The following MEST variants were observed in gnomAD, a reference collection of about 807,000 sequenced individuals.
The protein encoded by MEST is mesoderm specific transcript.
In MEST, 18 loss-of-function variants were observed where a neutral mutation model predicts 50.9. That is an observed-to-expected ratio of 0.35 (90% confidence interval 0.24 to 0.52). The LOEUF is 0.52. Among genes scored for constraint, MEST ranks in the 20% least tolerant of loss-of-function variants. The pLI is 0.94. For synonymous variants in MEST, 130 were observed against 154.1 expected, an observed-to-expected ratio of 0.84 and a Z score of 1.16; for missense variants, 282 against 425.3, an observed-to-expected ratio of 0.66 and a Z score of 2.96.
At chr7:130,486,414 A>G (rs550708380) in intron 1 of MEST, 2 of 152,414 alleles carry the variant, frequency 1.3e-5, no homozygotes, top group African/African-American at 4.8e-5. Context: ...CGGGCGGGGA[A>G]GGAGTGGAGC....
Position 130,497,955 on chromosome 7 carries a change from T to C in MEST, c.281T>C (p.Leu94Ser), listed in dbSNP as rs528300868. 2.5e-6 allele frequency: 4 copies of C among 1,613,816 alleles called. No individual in the cohort carries two copies. The African/African-American group carries it at 5.3e-5, about 22-fold the overall frequency. Residue 94 changes from leucine (L) to serine (S), a missense_variant, in exon 4 of 12, where the codon TTG becomes TCG. Physicochemically the swap from Leu to Ser is moderately radical, Grantham distance 145 (BLOSUM62 -2). Transcript: ENST00000223215. The surrounding 1 kb of genome is among the most constrained non-coding windows in gnomAD (Gnocchi z 4.0). ...TTGTAGATTTGGGAAGGTCTGACCT[T>C]GAGGTTTCATCGGGTGATTGCCCTT... ...DWYKIWEGLT[L>S]RFHRVIALDF...
At chr7:130,496,458 A>C in intron 2 of MEST, 1 of 314,014 alleles carries the variant, frequency 3.2e-6, no homozygotes, top group South Asian at 2.6e-5. Context: ...CCAAATTTTC[A>C]TGTCACTGGC....
At position 130,497,493 on chromosome 7, in the gene MEST, G is replaced by T. The variant is rs1799107692; in HGVS notation, c.261+258G>T. On this transcript the variant is annotated intron_variant, in intron 3 of 11. Transcript: ENST00000223215. This position sits in a 1 kb window ranked among gnomAD's most constrained non-coding sequence, Gnocchi z 4.0. Reference sequence around the variant, plus strand: ...AATCGCTTGAACCCGGGAGGCAGAGGTTGCAGTGAGCTGAGATTGCACCAC... The same window carrying T: ...AATCGCTTGAACCCGGGAGGCAGAGTTTGCAGTGAGCTGAGATTGCACCAC... 3.5e-6 allele frequency: 1 copy of T among 283,898 alleles called. No homozygotes were observed. Among genetic ancestry groups the T allele is most frequent in the Admixed American group, 4.9e-5 (1 of 20,296 alleles). The allele number at this position is 283,898 out of a possible 1,614,324, so 17.6% of individuals were successfully genotyped here.
chr7:130,495,500 G>A lies in MEST; in HGVS notation c.159G>A (p.Lys53=), dbSNP rs1554436570. The A allele has an allele frequency of 2.5e-6, 4 of 1,613,938 alleles. No individual in the cohort carries two copies. Among genetic ancestry groups the A allele is most frequent in the African/African-American group, 2.7e-5 (2 of 74,936 alleles). ...WKSSGKFFTY[K]GLRIFYQDSV... ...CTTCAGGCAAGTTTTTCACTTACAA[G>A]GGACTGCGTATCTTCTACCAAGGTA... The change falls in exon 2 of 12, where the codon AAG becomes AAA. Residue 53 remains lysine (K), a synonymous_variant. Coordinates refer to ENST00000223215, the MANE Select transcript of MEST (RefSeq NM_002402.4).
chr7:130,499,494 A>G (rs1206479795), intron 6 of MEST, among the ~76,000 whole-genome samples: 2 of 152,224 alleles, frequency 1.3e-5, no homozygotes, highest in Admixed American at 6.5e-5. Flanking sequence ...GGATGACCAT[A>G]TATTTTCTCC....
chr7:130,495,750 T>C, intron 2 of MEST: 1 of 419,352 alleles, frequency 2.4e-6, no homozygotes, highest in Non-Finnish European at 4.1e-6. Flanking sequence ...TAAGTTTTCT[T>C]TGTAGCTTGA....
intron 2 of MEST, 176 bp downstream of exon 2, chr7:130,495,698 G>A (rs1330297016): frequency 2.7e-5 from 16 of 603,316 alleles, no homozygotes; most frequent in Non-Finnish European, 3.7e-5. Flanking sequence ...GAGAATGGGG[G>A]TAGGGACTGA....
upstream of MEST, chr7:130,487,195 G>A (rs1259558412): frequency 6.6e-6 from 1 of 152,154 alleles, no homozygotes; most frequent in Admixed American, 6.5e-5. Context: ...CTGTCTGAAA[G>A]AAAGTAGCTG....
rs1251462271 is a variant in MEST at position 130,502,686 on chromosome 7, C to T, written c.792C>T (p.Arg264=). 2 of 1,613,916 alleles carry T rather than the reference C, an allele frequency of 1.2e-6. No homozygotes were observed. Among genetic ancestry groups the T allele is most frequent in the Non-Finnish European group, 8.5e-7 (1 of 1,179,870 alleles). ...YINQRKKFRR[R]WVGALASVTI... is the part of the protein sequence containing the mutation. ...ATCAGAGGAAGAAGTTCAGAAGGCGCTGGGTGGGAGCTCTTGCCTCTGTAA... is the reference window on the plus strand; with the variant it reads ...ATCAGAGGAAGAAGTTCAGAAGGCGTTGGGTGGGAGCTCTTGCCTCTGTAA... Residue 264 remains arginine (R), a synonymous_variant, in exon 10 of 12, where the codon CGC becomes CGT. Coordinates refer to ENST00000223215, the MANE Select transcript of MEST (RefSeq NM_002402.4).
At chr7:130,489,672 C>G (rs1192571975), upstream of MEST, 1 of 152,172 alleles carries the variant, frequency 6.6e-6, no homozygotes, top group African/African-American at 2.4e-5. Flanking sequence ...GGTTCCATGC[C>G]CATCTCAACC....
At chr7:130,495,642 CTCTT>C (rs1198958942) in intron 2 of MEST, 120 bp downstream of exon 2, 10 of 1,086,802 alleles carry the variant, frequency 9.2e-6, no homozygotes, top group East Asian at 7.9e-5. Flanking sequence ...GTATCTCTCT[CTCTT>C]TCTGTGTAGT....
At chr7:130,499,011 T>C (rs1479023165) in intron 6 of MEST, among the ~76,000 whole-genome samples, 1 of 152,224 alleles carries the variant, frequency 6.6e-6, no homozygotes, top group African/African-American at 2.4e-5. Context: ...GAACCAATTT[T>C]TTTTCTCATC....
At position 130,500,030 on chromosome 7, in the gene MEST, G is replaced by A; in HGVS notation, c.576+115G>A. ...TGGCAGTAGTTAAATCCTCTTCCTT[G>A]TGAATTTCTATTAATGAAGTTACTT... is the stretch of plus-strand genomic sequence containing the variant. On this transcript the variant is annotated intron_variant, in intron 7 of 11. Transcript: ENST00000223215. The surrounding 1 kb of genome is among the most constrained non-coding windows in gnomAD (Gnocchi z 5.0). The A allele has an allele frequency of 1.1e-6, 1 of 903,420 alleles. No individual in the cohort carries two copies. The highest frequency in any genetic ancestry group is 2.6e-5 in the East Asian group (1 of 39,090). 56.0% of individuals were successfully genotyped at this position (903,420 alleles called of 1,614,324 possible).
In MEST at chr7:130,495,356, C is replaced by T; in HGVS notation, c.27-12C>T. The stretch of plus-strand genomic sequence containing the variant: ...CCTGACTGCTTACAGTGGGTCTCTG[C>T]TTTTCCTACAGGATGAGGGAGTGGT... On this transcript the variant is annotated splice_polypyrimidine_tract_variant and intron_variant, in intron 1 of 11. Transcript: ENST00000223215. 1 of 1,596,424 alleles carries T rather than the reference C, an allele frequency of 6.3e-7. No individual in the cohort carries two copies. The highest frequency in any genetic ancestry group is 1.1e-5 in the South Asian group (1 of 88,114).
rs781972392 is a variant in MEST at position 130,497,122 on chromosome 7, T to C, written c.182-34T>C. 1 of 1,556,308 alleles carries C rather than the reference T, an allele frequency of 6.4e-7. No homozygotes were observed. Among genetic ancestry groups the C allele is most frequent in the East Asian group, 2.3e-5 (1 of 44,058 alleles). The stretch of plus-strand genomic sequence containing the variant: ...TCTTCGAGGTTATTTTTATAGGGAT[T>C]TGGCATAATTGATTGTACTTTCCTT... On this transcript the variant is annotated intron_variant, in intron 2 of 11. Transcript: ENST00000223215. This position sits in a 1 kb window ranked among gnomAD's most constrained non-coding sequence, Gnocchi z 4.0.
At chr7:130,498,572 A>G in intron 6 of MEST, 95 bp downstream of exon 6, 1 of 1,154,472 alleles carries the variant, frequency 8.7e-7, no homozygotes, top group South Asian at 1.3e-5. Flanking sequence ...TAATATTTCA[A>G]GTAGACATAA....
intron 9 of MEST, 117 bp downstream of exon 9, chr7:130,501,007 TG>T: frequency 2.6e-6 from 2 of 770,868 alleles, no homozygotes; most frequent in Non-Finnish European, 4.2e-6. Context: ...TGATGACCTA[TG>T]GGGCAAACCA....
At chr7:130,502,889 T>C (rs1160140764) in intron 10 of MEST, among the ~76,000 whole-genome samples, 169 bp downstream of exon 10, 7 of 152,240 alleles carry the variant, frequency 4.6e-5, no homozygotes, top group Non-Finnish European at 1.0e-4. Context: ...TTTAAGTATA[T>C]GTTGTACAAT....
Position 130,500,354 on chromosome 7 carries a change from A to G in MEST, c.577-108A>G, listed in dbSNP as rs1440257467. The G allele has an allele frequency of 5.5e-6, 5 of 915,272 alleles. No homozygotes were observed. In the Admixed American group the frequency reaches 1.0e-4, roughly 19 times the overall value. The allele number at this position is 915,272 out of a possible 1,614,324, so 56.7% of individuals were successfully genotyped here. ...CAAAATGCCAAGTACCAAACCATTC[A>G]GTAGCAGGAGATTTGGCTAAAGATT... On this transcript the variant is annotated intron_variant, in intron 7 of 11. Transcript: ENST00000223215. This position sits in a 1 kb window ranked among gnomAD's most constrained non-coding sequence, Gnocchi z 5.0.
Sources: gnomAD v4.1 joint callset for allele counts (sites outside exome capture counted in the v4.1 genomes callset) on GRCh38, gnomAD v4.1.1 for gene constraint, Gnocchi (gnomAD v3.1) non-coding constraint, MANE v1.5 for transcripts, NCBI Gene and HGNC (gene_info 2026-07-23, HGNC 2026-07-21) for gene names.